TRAPPC9: variants seen among roughly 807,000 people sequenced by gnomAD.
TRAPPC9 encodes trafficking protein particle complex subunit 9, also known as IKK2 binding protein.
Under a neutral mutation model 124.0 loss-of-function variants are expected in TRAPPC9, and 83 were observed. The observed-to-expected ratio is 0.67, with a 90% CI of 0.56 to 0.80. TRAPPC9 has a LOEUF of 0.80. Among genes scored for constraint, TRAPPC9 ranks in the 30% least tolerant of loss-of-function variants. The pLI is 0.00. For synonymous variants in TRAPPC9, 638 were observed against 617.5 expected (o/e 1.03, Z -0.49); for missense variants, 1,302 against 1,508.3 (o/e 0.86, Z 2.27).
intron 21 of TRAPPC9, among the ~76,000 whole-genome samples, chr8:139,815,055 G>C (rs939539697): frequency 2.0e-5 from 3 of 152,184 alleles, no homozygotes; most frequent in Non-Finnish European, 4.4e-5. Context: ...GCTTCCCCCA[G>C]GTCCTGTTGT....
chr8:139,851,400 C>G (rs1304232705), intron 21 of TRAPPC9, among the ~76,000 whole-genome samples: 3 of 152,230 alleles, frequency 2.0e-5, no homozygotes, highest in Non-Finnish European at 4.4e-5. Context: ...ATGTCACCAA[C>G]TGCTCCTCCA....
chr8:139,919,898 G>C (rs529834407), intron 19 of TRAPPC9, among the ~76,000 whole-genome samples: 1 of 152,192 alleles, frequency 6.6e-6, no homozygotes, highest in Non-Finnish European at 1.5e-5. Context: ...CTCCAGGCGC[G>C]GCATGGCACT....
intron 6 of TRAPPC9, among the ~76,000 whole-genome samples, chr8:140,402,958 A>T (rs1451270467): frequency 1.3e-5 from 2 of 152,200 alleles, no homozygotes; most frequent in Non-Finnish European, 2.9e-5. Context: ...AATTACAGAT[A>T]ATTAGATAAT....
At chr8:139,997,626 C>T (rs1838104391) in intron 18 of TRAPPC9, among the ~76,000 whole-genome samples, 1 of 143,992 alleles carries the variant, frequency 6.9e-6, no homozygotes, top group African/African-American at 2.5e-5. Flanking sequence ...ACAATGCATC[C>T]CACACAGGGG....
At chr8:139,973,505 C>T (rs1836235357) in intron 19 of TRAPPC9, among the ~76,000 whole-genome samples, 1 of 152,264 alleles carries the variant, frequency 6.6e-6, no homozygotes, top group Admixed American at 6.5e-5. Context: ...CTACCAAGAC[C>T]TGACGTGGAC....
At chr8:139,932,887 T>C (rs1833278049) in intron 19 of TRAPPC9, 1 of 225,162 alleles carries the variant, frequency 4.4e-6, no homozygotes, top group Non-Finnish European at 8.8e-6. Flanking sequence ...AATAGTCTGT[T>C]ACCACAGCAT....
intron 10 of TRAPPC9, among the ~76,000 whole-genome samples, chr8:140,305,257 T>C (rs146979096): frequency 4.3e-4 from 66 of 152,326 alleles, no homozygotes; most frequent in African/African-American, 1.5e-3. Flanking sequence ...TAGTTTTCTA[T>C]CCCACTGTTA....
At chr8:140,385,078 A>G (rs1480806785) in intron 7 of TRAPPC9, among the ~76,000 whole-genome samples, 4 of 152,232 alleles carry the variant, frequency 2.6e-5, no homozygotes, top group Admixed American at 1.3e-4. Context: ...TACTGGGTAC[A>G]TAACGAAATG....
chr8:140,314,347 C>T (rs1323624189), intron 9 of TRAPPC9, among the ~76,000 whole-genome samples: 4 of 152,132 alleles, frequency 2.6e-5, no homozygotes, highest in Non-Finnish European at 5.9e-5. Flanking sequence ...AATAATTGCA[C>T]ATATTTCTGG....
At chr8:140,117,576 C>T (rs917314044) in intron 17 of TRAPPC9, among the ~76,000 whole-genome samples, 18 of 152,336 alleles carry the variant, frequency 1.2e-4, no homozygotes, top group Admixed American at 4.6e-4. Context: ...CTCACAAGAG[C>T]GGAGCCCTCA....
chr8:140,010,187 G>A (rs1393402885), intron 18 of TRAPPC9, among the ~76,000 whole-genome samples: 1 of 152,026 alleles, frequency 6.6e-6, no homozygotes. Flanking sequence ...TTTAGATTTT[G>A]TAAAATCTTA....
In TRAPPC9 at chr8:139,965,480, G is replaced by T. The variant is rs185367249; in HGVS notation, c.2810+23246C>A. Among the ~76,000 whole-genome samples the T allele has an allele frequency of 6.6e-4, 100 of 152,258 alleles. 1 individual carries two copies. The East Asian group carries it at 0.018, about 28-fold the overall frequency. On this transcript the variant is annotated intron_variant, in intron 19 of 22. Coordinates refer to ENST00000438773, the MANE Select transcript of TRAPPC9 (RefSeq NM_001160372.4). Reference sequence around the variant, plus strand: ...AGTCCATCAGAGCTGCAGAACTGGGGCTGACAAGATAGGTCCTAGGATCTC... The same window carrying T: ...AGTCCATCAGAGCTGCAGAACTGGGTCTGACAAGATAGGTCCTAGGATCTC...
chr8:139,837,361 A>G (rs538280675), intron 21 of TRAPPC9, among the ~76,000 whole-genome samples: 22 of 152,230 alleles, frequency 1.4e-4, no homozygotes, highest in Middle Eastern at 6.8e-3. Flanking sequence ...CTGACAGCCC[A>G]CCACAGCCCC....
intron 16 of TRAPPC9, among the ~76,000 whole-genome samples, chr8:140,234,657 C>T (rs1347180775): frequency 6.6e-6 from 1 of 152,208 alleles, no homozygotes; most frequent in Non-Finnish European, 1.5e-5. Flanking sequence ...GTCCTGTTAC[C>T]TGATTAGAAG....
chr8:139,839,228 G>T (rs931482595), intron 21 of TRAPPC9, among the ~76,000 whole-genome samples: 3 of 152,234 alleles, frequency 2.0e-5, no homozygotes, highest in Non-Finnish European at 4.4e-5. Context: ...CACCTGCCAC[G>T]CTAGACACTA....
At chr8:140,442,687 G>A (rs1370567788) in intron 2 of TRAPPC9, among the ~76,000 whole-genome samples, 2 of 151,632 alleles carry the variant, frequency 1.3e-5, no homozygotes, top group Admixed American at 6.6e-5. Context: ...TGGTATTCTA[G>A]TCCAAAAAAC....
chr8:140,042,131 C>T (rs1034335409), intron 17 of TRAPPC9, among the ~76,000 whole-genome samples: 3 of 151,802 alleles, frequency 2.0e-5, no homozygotes, highest in African/African-American at 4.8e-5. Flanking sequence ...GGAAAGTATC[C>T]TTCTTAGGAG....
chr8:140,090,909 T>G (rs4736136), intron 17 of TRAPPC9, among the ~76,000 whole-genome samples: 75,285 of 152,050 alleles, frequency 0.5, 19,361 homozygotes, highest in East Asian at 0.67. Flanking sequence ...GTGATACGTC[T>G]TAGCTCCAGA....
rs1181306813 is a variant in TRAPPC9, at chr8:139,910,070, C to T, written c.2964+77G>A. 3 of 1,551,760 alleles carry T rather than the reference C, an allele frequency of 1.9e-6. No homozygotes were observed. In the East Asian group the frequency reaches 6.8e-5, roughly 35 times the overall value. The stretch of plus-strand genomic sequence containing the variant: ...GTGGTGAAAATTCAATAGCTAAGAC[C>T]CTCACGGGTCTTTCTTAGAGGTTGG... On this transcript the variant is annotated intron_variant, in intron 20 of 22. Transcript: ENST00000438773.
Sources: gnomAD v4.1 joint callset for allele counts (sites outside exome capture counted in the v4.1 genomes callset) on GRCh38, gnomAD v4.1.1 for gene constraint, MANE v1.5 for transcripts, NCBI Gene and HGNC (gene_info 2026-07-23, HGNC 2026-07-21) for gene names.